PHACTR1: variants seen among roughly 807,000 people sequenced by gnomAD.
The protein encoded by PHACTR1 is phosphatase and actin regulator 1, also known as RPEL repeat containing 1.
A neutral mutation model predicts 69.2 loss-of-function variants in PHACTR1; 16 were observed. That is an observed-to-expected ratio of 0.23 (90% CI 0.16 to 0.35). PHACTR1 has a LOEUF of 0.35. Ranked by LOEUF, PHACTR1 falls within the 10% of genes least tolerant of loss-of-function variation. The probability of loss-of-function intolerance (pLI) is 1.00; values close to 1 mark genes in which losing one functional copy is unlikely to be tolerated. For missense variants in PHACTR1, 510 were observed against 734.7 expected (o/e 0.69, Z 3.54); for synonymous variants, 312 against 284.5 (o/e 1.10, Z -0.97).
intron 4 of PHACTR1, among the ~76,000 whole-genome samples, chr6:12,905,123 A>G (rs1036907227): frequency 6.6e-6 from 1 of 152,164 alleles, no homozygotes; most frequent in East Asian, 1.9e-4. Flanking sequence ...TCCCAACCCC[A>G]TGGAGCCTGG....
At chr6:12,969,573 C>G (rs996338716) in intron 4 of PHACTR1, among the ~76,000 whole-genome samples, 1 of 152,192 alleles carries the variant, frequency 6.6e-6, no homozygotes, top group African/African-American at 2.4e-5. Flanking sequence ...GAAACCCCAG[C>G]TCTACCAAAA....
At chr6:13,227,390 C>G (rs1769950717) in intron 8 of PHACTR1, among the ~76,000 whole-genome samples, 1 of 152,150 alleles carries the variant, frequency 6.6e-6, no homozygotes, top group African/African-American at 2.4e-5. Context: ...TCAAATTAAT[C>G]CTTTACCCTT....
chr6:13,251,091 A>G (rs1774329333), intron 10 of PHACTR1, among the ~76,000 whole-genome samples: 1 of 152,116 alleles, frequency 6.6e-6, no homozygotes, highest in Admixed American at 6.5e-5. Flanking sequence ...CTCTCCCATG[A>G]GTGGCAGCCA....
chr6:13,229,759 G>T (rs1023861825), intron 9 of PHACTR1, among the ~76,000 whole-genome samples: 1 of 152,166 alleles, frequency 6.6e-6, no homozygotes, highest in South Asian at 2.1e-4. Context: ...CCCACAGCCA[G>T]TCCTGCCCTC....
chr6:12,805,732 C>G (rs1396507761), intron 4 of PHACTR1, among the ~76,000 whole-genome samples: 1 of 151,978 alleles, frequency 6.6e-6, no homozygotes, highest in Non-Finnish European at 1.5e-5. Flanking sequence ...TCCTGAGTAG[C>G]TGGGATTACA....
chr6:13,206,395 A>G (rs1166619512), intron 8 of PHACTR1, among the ~76,000 whole-genome samples: 1 of 152,260 alleles, frequency 6.6e-6, no homozygotes, highest in African/African-American at 2.4e-5. Flanking sequence ...GCTTATATAT[A>G]CACACAGTCC....
intron 8 of PHACTR1, among the ~76,000 whole-genome samples, chr6:13,213,155 T>C (rs1342560163): frequency 6.6e-6 from 1 of 152,214 alleles, no homozygotes; most frequent in African/African-American, 2.4e-5. Flanking sequence ...CTCTCATAGC[T>C]GCAGTGATAT....
intron 10 of PHACTR1, among the ~76,000 whole-genome samples, chr6:13,239,809 G>C (rs1329696733): frequency 1.3e-5 from 2 of 152,154 alleles, no homozygotes; most frequent in East Asian, 3.9e-4. Context: ...CCTCGACTCT[G>C]TGTGTATGTC....
chr6:13,179,263 A>C lies in PHACTR1; in HGVS notation c.497-3256A>C, dbSNP rs114093500. The stretch of plus-strand genomic sequence containing the variant: ...ACAAACAGCAACAACAACAACAACA[A>C]ACCCAGTACTGATATATAAATAGCA... On this transcript the variant is annotated intron_variant, in intron 6 of 14. Transcript: ENST00000332995. The surrounding 1 kb of genome is among the most constrained non-coding windows in gnomAD (Gnocchi z 4.2). Among the ~76,000 whole-genome samples the C allele has an allele frequency of 1.2e-3, 179 of 152,174 alleles. 1 individual carries two copies. Among genetic ancestry groups the C allele is most frequent in the Non-Finnish European group, 2.1e-3 (144 of 67,988 alleles).
intron 4 of PHACTR1, among the ~76,000 whole-genome samples, chr6:12,780,652 C>T (rs537115185): frequency 6.6e-6 from 1 of 152,298 alleles, no homozygotes; most frequent in African/African-American, 2.4e-5. Flanking sequence ...TAAACAGCGA[C>T]ATGCTCAAAC....
At chr6:13,242,714 C>G (rs546520029) in intron 10 of PHACTR1, among the ~76,000 whole-genome samples, 1 of 152,180 alleles carries the variant, frequency 6.6e-6, no homozygotes, top group Non-Finnish European at 1.5e-5. Flanking sequence ...ACTAGCTTAA[C>G]TACAACTGAG....
rs7768960 is a variant in PHACTR1 at position 13,042,693 on chromosome 6, C to T, written c.251-10672C>T. Among the ~76,000 whole-genome samples the T allele has an allele frequency of 2.1e-3, 315 of 152,252 alleles. 2 individuals carry two copies. Among genetic ancestry groups the T allele is most frequent in the African/African-American group, 7.4e-3 (307 of 41,538 alleles). ...GGATATTCTAGTGGTGACATGGTAA[C>T]GAATTTCACCCCTAGTGGAACGCTT... is the stretch of plus-strand genomic sequence containing the variant. On this transcript the variant is annotated intron_variant, in intron 4 of 14. Coordinates refer to ENST00000332995, the MANE Select transcript of PHACTR1 (RefSeq NM_030948.6).
At chr6:13,286,949 A>C in intron 14 of PHACTR1, 114 bp from the exon 15 acceptor site, 1 of 1,123,824 alleles carries the variant, frequency 8.9e-7, no homozygotes, top group South Asian at 1.4e-5. Context: ...TGACGGTGGG[A>C]AGCTCGCACC....
chr6:13,142,000 C>T (rs1002875434), intron 5 of PHACTR1, among the ~76,000 whole-genome samples: 5 of 152,084 alleles, frequency 3.3e-5, no homozygotes, highest in East Asian at 1.9e-4. Context: ...CTGGTTGAAA[C>T]GTCTTGCCAT....
At chr6:13,204,738 C>T (rs971514423) in intron 7 of PHACTR1, among the ~76,000 whole-genome samples, 3 of 152,214 alleles carry the variant, frequency 2.0e-5, no homozygotes, top group South Asian at 2.1e-4. Flanking sequence ...CTGCCCCACT[C>T]GTGCACCCAA....
chr6:12,825,303 A>AC (rs1037645867), intron 4 of PHACTR1, among the ~76,000 whole-genome samples: 8 of 145,694 alleles, frequency 5.5e-5, no homozygotes, highest in African/African-American at 2.1e-4. Flanking sequence ...ACAGAACAAA[A>AC]CCCTCTCTCT....
At chr6:13,082,443 C>T (rs1207693766) in intron 5 of PHACTR1, among the ~76,000 whole-genome samples, 1 of 152,082 alleles carries the variant, frequency 6.6e-6, no homozygotes, top group Non-Finnish European at 1.5e-5. Flanking sequence ...AAGAGATAGT[C>T]CCCAAAAGAA....
rs968142671 is a variant in PHACTR1 at position 13,089,654 on chromosome 6, G to A, written c.415+36125G>A. Among the ~76,000 whole-genome samples, 20 of 152,164 alleles carry A rather than the reference G, an allele frequency of 1.3e-4. 1 individual carries two copies. Among genetic ancestry groups the A allele is most frequent in the East Asian group, 3.8e-4 (2 of 5,202 alleles). ...CTAATGGTCATGTGACAGGGTCAGCGTTAGACAATTAATAGAAAACCAGAT... is the reference window on the plus strand; with the variant it reads ...CTAATGGTCATGTGACAGGGTCAGCATTAGACAATTAATAGAAAACCAGAT... On this transcript the variant is annotated intron_variant, in intron 5 of 14. Coordinates refer to ENST00000332995, the MANE Select transcript of PHACTR1 (RefSeq NM_030948.6).
intron 4 of PHACTR1, among the ~76,000 whole-genome samples, chr6:12,953,642 A>G (rs796992726): frequency 2.4e-4 from 36 of 152,374 alleles, no homozygotes; most frequent in African/African-American, 8.4e-4. Context: ...AATTGGGGAT[A>G]TTATAAGTCC....
Sources: allele counts gnomAD v4.1 joint callset (sites outside exome capture counted in the v4.1 genomes callset), GRCh38; gene constraint gnomAD v4.1.1; non-coding constraint Gnocchi (gnomAD v3.1); transcripts MANE v1.5; gene names NCBI Gene and HGNC (gene_info 2026-07-23, HGNC 2026-07-21).